GLIS3: variants seen among roughly 807,000 people sequenced by gnomAD.
The protein encoded by GLIS3 is zinc finger protein GLIS3.
GLIS3 carries 53 observed loss-of-function variants against 78.6 expected under a neutral mutation model. The observed-to-expected ratio is 0.67, with a 90% CI of 0.54 to 0.85. The LOEUF is 0.85. Ranked by LOEUF, GLIS3 falls within the 40% of genes least tolerant of loss-of-function variation. The pLI is 0.00. For synonymous variants in GLIS3, 684 were observed against 509.9 expected (o/e 1.34, Z -4.60); for missense variants, 1,703 against 1,231.1 (o/e 1.38, Z -5.74).
the GLIS3 span, among the ~76,000 whole-genome samples, chr9:4,428,048 T>G: frequency 2.6e-5 from 4 of 151,500 alleles, no homozygotes; most frequent in Non-Finnish European, 5.9e-5. Flanking sequence ...AAATTTCCAG[T>G]GCCGGGAATA....
the GLIS3 span, among the ~76,000 whole-genome samples, chr9:4,389,328 C>G: frequency 3.9e-5 from 6 of 152,216 alleles, no homozygotes; most frequent in African/African-American, 1.4e-4. Context: ...AATATCTCTT[C>G]CCCTTCAAGG....
At chr9:4,408,216 G>C in the GLIS3 span, among the ~76,000 whole-genome samples, 1 of 151,922 alleles carries the variant, frequency 6.6e-6, no homozygotes, top group African/African-American at 2.4e-5. Flanking sequence ...AGGTTCCCTA[G>C]AAAACAAAAA....
chr9:3,931,050 GTGTC>G (rs1055298946), intron 6 of GLIS3, among the ~76,000 whole-genome samples: 21 of 152,166 alleles, frequency 1.4e-4, no homozygotes, highest in African/African-American at 4.6e-4. Flanking sequence ...AGCATATCTA[GTGTC>G]TGTCTAATGA....
rs145438814 is a variant in GLIS3 at position 4,206,938 on chromosome 9, T to A, written c.388+79100A>T. 2.2e-4 allele frequency among the ~76,000 whole-genome samples: 33 copies of A among 152,300 alleles called. No homozygotes were observed. The East Asian group carries it at 6.4e-3, about 29-fold the overall frequency. Reference sequence around the variant, plus strand: ...GTCCATGATACTGACAAACAACAACTGCTTAATATCCTTATTTGGACATTC... The same window carrying A: ...GTCCATGATACTGACAAACAACAACAGCTTAATATCCTTATTTGGACATTC... On this transcript the variant is annotated intron_variant, in intron 2 of 10. Transcript: ENST00000381971.
the GLIS3 span, among the ~76,000 whole-genome samples, chr9:4,419,616 C>A: frequency 2.0e-5 from 3 of 151,648 alleles, no homozygotes; most frequent in Non-Finnish European, 4.4e-5. Flanking sequence ...CCCATCTCTA[C>A]TAAAAATACA....
At chr9:4,041,202 G>A (rs538228764) in intron 4 of GLIS3, among the ~76,000 whole-genome samples, 2 of 152,166 alleles carry the variant, frequency 1.3e-5, no homozygotes, top group African/African-American at 4.8e-5. Context: ...AGCCCCGGGG[G>A]ATGTCTAGCA....
At chr9:3,874,899 A>G (rs942929243) in intron 8 of GLIS3, among the ~76,000 whole-genome samples, 1 of 152,198 alleles carries the variant, frequency 6.6e-6, no homozygotes, top group Non-Finnish European at 1.5e-5. Flanking sequence ...ACTGTGGTCA[A>G]TCCACAGGCC....
At chr9:4,289,787 T>G (rs1012311987) in intron 1 of GLIS3, among the ~76,000 whole-genome samples, 1 of 152,148 alleles carries the variant, frequency 6.6e-6, no homozygotes, top group Admixed American at 6.5e-5. Flanking sequence ...AATGAAAATG[T>G]TCATTCTGCT....
intron 6 of GLIS3, among the ~76,000 whole-genome samples, chr9:3,906,025 T>A (rs1400140551): frequency 6.6e-6 from 1 of 152,154 alleles, no homozygotes; most frequent in African/African-American, 2.4e-5. Context: ...GAGAAAGGCA[T>A]GAAATCTACC....
In GLIS3 at chr9:4,086,842, A is replaced by G. The variant is rs569790773; in HGVS notation, c.1710+30926T>C. ...GGAGATTAATCTCTTTTTCCCCTCA[A>G]GTCCCACAGAGCCTTGCTGTTCTTC... On this transcript the variant is annotated intron_variant, in intron 4 of 10. Transcript: ENST00000381971. Among the ~76,000 whole-genome samples, 5 of 152,310 alleles carry G rather than the reference A, an allele frequency of 3.3e-5. No individual in the cohort carries two copies. In the East Asian group the frequency reaches 9.7e-4, roughly 29 times the overall value.
intron 4 of GLIS3, among the ~76,000 whole-genome samples, chr9:3,950,800 A>C (rs1438227340): frequency 6.6e-6 from 1 of 152,242 alleles, no homozygotes; most frequent in African/African-American, 2.4e-5. Flanking sequence ...ATAACGGACA[A>C]GTGACTTGTT....
intron 2 of GLIS3, among the ~76,000 whole-genome samples, chr9:4,318,679 G>C (rs778127229): frequency 6.6e-6 from 1 of 152,206 alleles, no homozygotes; most frequent in Admixed American, 6.5e-5. Flanking sequence ...CTTTTTTACA[G>C]TGAAATACTA....
chr9:4,387,311 C>T, the GLIS3 span, among the ~76,000 whole-genome samples: 1 of 151,830 alleles, frequency 6.6e-6, no homozygotes, highest in Non-Finnish European at 1.5e-5. Context: ...TTTTTAATTC[C>T]CCCTTTTTTT....
At chr9:4,055,704 C>G (rs959552057) in intron 4 of GLIS3, among the ~76,000 whole-genome samples, 1 of 152,100 alleles carries the variant, frequency 6.6e-6, no homozygotes, top group Non-Finnish European at 1.5e-5. Context: ...GTGATCAGGT[C>G]CAAAATAAAA....
At chr9:4,077,662 T>C (rs987365774) in intron 4 of GLIS3, among the ~76,000 whole-genome samples, 1 of 152,118 alleles carries the variant, frequency 6.6e-6, no homozygotes, top group Admixed American at 6.5e-5. Context: ...TTTGCCAGGG[T>C]AGTCCCTGTC....
chr9:4,104,230 G>A (rs1038283177), intron 4 of GLIS3, among the ~76,000 whole-genome samples: 7 of 151,994 alleles, frequency 4.6e-5, no homozygotes, highest in African/African-American at 1.7e-4. Flanking sequence ...AAAATCAACC[G>A]ATCTGCTTCC....
intron 2 of GLIS3, among the ~76,000 whole-genome samples, chr9:4,209,366 G>A (rs1362048011): frequency 6.6e-6 from 1 of 152,110 alleles, no homozygotes; most frequent in East Asian, 1.9e-4. Context: ...GTCAGGGCAT[G>A]TTACTGGCAT....
At position 3,856,732 on chromosome 9, in the gene GLIS3, G is replaced by A. The variant is rs114460487; in HGVS notation, c.2298-548C>T. Among the ~76,000 whole-genome samples the A allele has an allele frequency of 4.0e-3, 608 of 152,218 alleles. 6 individuals carry two copies. Among genetic ancestry groups the A allele is most frequent in the African/African-American group, 0.014 (589 of 41,518 alleles). On this transcript the variant is annotated intron_variant, in intron 8 of 10. Transcript: ENST00000381971. Reference sequence around the variant, plus strand: ...CCAAGAATGAATTAACTTAAACCTCGAAGGTCAAGTATGGCTTGAAACCCA... The same window carrying A: ...CCAAGAATGAATTAACTTAAACCTCAAAGGTCAAGTATGGCTTGAAACCCA...
At chr9:4,442,745 T>C in the GLIS3 span, among the ~76,000 whole-genome samples, 1 of 152,290 alleles carries the variant, frequency 6.6e-6, no homozygotes, top group African/African-American at 2.4e-5. Flanking sequence ...TACCATTAGA[T>C]TTCTTTACAT....
Sources: gnomAD v4.1 joint callset for allele counts (sites outside exome capture counted in the v4.1 genomes callset) on GRCh38, gnomAD v4.1.1 for gene constraint, MANE v1.5 for transcripts, NCBI Gene and HGNC (gene_info 2026-07-23, HGNC 2026-07-21) for gene names.